The following KCNQ1OT1 variants were observed in gnomAD, a reference collection of about 807,000 sequenced individuals.
KCNQ1OT1 encodes KCNQ1 antisense RNA 2 (non-protein coding).
In KCNQ1OT1 at chr11:2,617,482, T is replaced by C. The variant is rs1849086041; in HGVS notation, n.82513A>G. 2.5e-6 allele frequency: 1 copy of C among 398,446 alleles called. No individual in the cohort carries two copies. The highest frequency in any genetic ancestry group is 3.6e-5 in the East Asian group (1 of 28,064). 24.7% of individuals were successfully genotyped at this position (398,446 alleles called of 1,614,324 possible). ...AGTCATCCATCAATGGACACGTAAGTTTTCATATCGTGACTCATGCATATA... is the reference window on the plus strand; with the variant it reads ...AGTCATCCATCAATGGACACGTAAGCTTTCATATCGTGACTCATGCATATA... On this transcript the variant is annotated non_coding_transcript_exon_variant, in exon 1 of 1. Transcript: ENST00000597346. The surrounding 1 kb of genome is among the most constrained non-coding windows in gnomAD (Gnocchi z 4.6).
rs998251012 is a variant in KCNQ1OT1 at position 2,653,248 on chromosome 11, C to T, written n.46747G>A. 1.0e-5 allele frequency: 4 copies of T among 398,626 alleles called. No homozygotes were observed. Among genetic ancestry groups the T allele is most frequent in the Middle Eastern group, 6.2e-4 (1 of 1,612 alleles). The allele number at this position is 398,626 out of a possible 1,614,324, so 24.7% of individuals were successfully genotyped here. A position where few individuals can be genotyped will look rare whatever the true frequency, so the allele number is the denominator to read the frequency against. On this transcript the variant is annotated non_coding_transcript_exon_variant, in exon 1 of 1. Coordinates refer to ENST00000597346, the Ensembl canonical transcript of KCNQ1OT1. This position sits in a 1 kb window ranked among gnomAD's most constrained non-coding sequence, Gnocchi z 5.3. ...TCAGGCCAGCTTCTTTCCCACAAGCCTTCTCCCTGCCCTCTGCCCTGAAAA... is the reference window on the plus strand; with the variant it reads ...TCAGGCCAGCTTCTTTCCCACAAGCTTTCTCCCTGCCCTCTGCCCTGAAAA...
At chr11:2,680,041 C>G (rs954377431) in exon 1 of KCNQ1OT1, 1 of 396,140 alleles carries the variant, frequency 2.5e-6, no homozygotes, top group African/African-American at 2.1e-5. Flanking sequence ...CTACAGACAT[C>G]TGCCACCATG....
At chr11:2,696,456 C>T (rs1042310625) in exon 1 of KCNQ1OT1, 11 of 398,540 alleles carry the variant, frequency 2.8e-5, no homozygotes, top group Admixed American at 4.4e-5. Flanking sequence ...GTCACCACAC[C>T]GCTCTGATTG....
rs548596924 is a variant in KCNQ1OT1, at chr11:2,666,845, G to A, written n.33150C>T. ...AGGACATTCTGGGAACCAGTGTCCA[G>A]AAGGATGAGTGAGGGGCTTGTCAAG... On this transcript the variant is annotated non_coding_transcript_exon_variant, in exon 1 of 1. Coordinates refer to ENST00000597346, the Ensembl canonical transcript of KCNQ1OT1. The A allele has an allele frequency of 1.3e-3, 502 of 398,620 alleles. No homozygotes were observed. The highest frequency in any genetic ancestry group is 1.9e-3 in the Non-Finnish European group (431 of 226,114). The allele number at this position is 398,620 out of a possible 1,614,324, so 24.7% of individuals were successfully genotyped here.
chr11:2,633,987 G>C (rs1849407173), exon 1 of KCNQ1OT1: 2 of 398,446 alleles, frequency 5.0e-6, no homozygotes, highest in African/African-American at 4.1e-5. Flanking sequence ...TGTTGTTGAA[G>C]AGTCGACTGT....
chr11:2,669,586 C>A lies in KCNQ1OT1; in HGVS notation n.30409G>T, dbSNP rs925801316. 2.5e-6 allele frequency: 1 copy of A among 398,634 alleles called. No individual in the cohort carries two copies. Among genetic ancestry groups the A allele is most frequent in the South Asian group, 1.3e-4 (1 of 7,854 alleles). 24.7% of individuals were successfully genotyped at this position (398,634 alleles called of 1,614,324 possible). Reference sequence around the variant, plus strand: ...GGCCAGCTTGGGTCATTTCATCCTGCCCACAGGACACTGGGGCAGTCACCT... The same window carrying A: ...GGCCAGCTTGGGTCATTTCATCCTGACCACAGGACACTGGGGCAGTCACCT... On this transcript the variant is annotated non_coding_transcript_exon_variant, in exon 1 of 1. Transcript: ENST00000597346. This position sits in a 1 kb window ranked among gnomAD's most constrained non-coding sequence, Gnocchi z 5.6.
exon 1 of KCNQ1OT1, chr11:2,634,853 A>G (rs1043722725): frequency 6.6e-6 from 1 of 152,048 alleles, no homozygotes; most frequent in African/African-American, 2.4e-5. Context: ...TGTTTCCTGA[A>G]TTTTTAATGA....
At chr11:2,665,845 G>T in exon 1 of KCNQ1OT1, 1 of 398,694 alleles carries the variant, frequency 2.5e-6, no homozygotes, top group South Asian at 1.3e-4. Context: ...ACAGGGCTAG[G>T]GGCCTGAGGA....
Position 2,620,590 on chromosome 11 carries a change from C to T in KCNQ1OT1, n.79405G>A. The T allele has an allele frequency of 5.0e-6, 2 of 397,394 alleles. No individual in the cohort carries two copies. 24.6% of individuals were successfully genotyped at this position (397,394 alleles called of 1,614,324 possible). On this transcript the variant is annotated non_coding_transcript_exon_variant, in exon 1 of 1. Transcript: ENST00000597346. This position sits in a 1 kb window ranked among gnomAD's most constrained non-coding sequence, Gnocchi z 4.5. The stretch of plus-strand genomic sequence containing the variant: ...CACATTTTCTTTATCCAATCCACCA[C>T]TGATGGGCATCTAAGTGGATTCCAT...
exon 1 of KCNQ1OT1, chr11:2,693,904 G>C: frequency 2.5e-6 from 1 of 398,816 alleles, no homozygotes. Context: ...TCCTCCTGGA[G>C]TGTACTGCAA....
exon 1 of KCNQ1OT1, chr11:2,632,710 C>T (rs1849380721): frequency 2.5e-6 from 1 of 398,270 alleles, no homozygotes; most frequent in Non-Finnish European, 4.4e-6. Context: ...TTTCATTTAA[C>T]ATATTATCCA....
exon 1 of KCNQ1OT1, chr11:2,630,745 G>A: frequency 2.5e-6 from 1 of 398,276 alleles, no homozygotes; most frequent in East Asian, 3.6e-5. Context: ...AACTCCCTCT[G>A]GCATATCTTG....
At position 2,645,764 on chromosome 11, in the gene KCNQ1OT1, AT is replaced by A. The variant is rs1849656076; in HGVS notation, n.54230del. The stretch of plus-strand genomic sequence containing the variant: ...GGGGCTCCAGGGATGAGATAGAGGG[AT>A]GTGGGGCCCACAGCAGATGCAGTCT... On this transcript the variant is annotated non_coding_transcript_exon_variant, in exon 1 of 1. Transcript: ENST00000597346. The surrounding 1 kb of genome is among the most constrained non-coding windows in gnomAD (Gnocchi z 5.8). 7.5e-6 allele frequency: 3 copies of A among 398,542 alleles called. No homozygotes were observed. The highest frequency in any genetic ancestry group is 2.1e-5 in the African/African-American group (1 of 48,566). The allele number at this position is 398,542 out of a possible 1,614,324, so 24.7% of individuals were successfully genotyped here.
rs1241586544 is a variant in KCNQ1OT1 at position 2,612,862 on chromosome 11, G to C, written n.87133C>G. 1 of 398,292 alleles carries C rather than the reference G, an allele frequency of 2.5e-6. No homozygotes were observed. Among genetic ancestry groups the C allele is most frequent in the Non-Finnish European group, 4.4e-6 (1 of 226,036 alleles). 24.7% of individuals were successfully genotyped at this position (398,292 alleles called of 1,614,324 possible). On this transcript the variant is annotated non_coding_transcript_exon_variant, in exon 1 of 1. Coordinates refer to ENST00000597346, the Ensembl canonical transcript of KCNQ1OT1. The surrounding 1 kb of genome is among the most constrained non-coding windows in gnomAD (Gnocchi z 5.5). ...TATATCGTAGAAACTCTGGATTCTA[G>C]TTCTTCTCCCTAACCAGGGATGATT...
chr11:2,644,685 T>C (rs1849639455), exon 1 of KCNQ1OT1: 3 of 398,528 alleles, frequency 7.5e-6, no homozygotes, highest in Non-Finnish European at 1.3e-5. Flanking sequence ...TTCCAATTTT[T>C]TGATCTGTCT....
chr11:2,614,049 C>T (rs7483375), exon 1 of KCNQ1OT1: 1 of 398,546 alleles, frequency 2.5e-6, no homozygotes, highest in Non-Finnish European at 4.4e-6. Context: ...GTGCTATAAC[C>T]TTTCAACCAA....
At chr11:2,638,085 ATG>A (rs1320512930) in exon 1 of KCNQ1OT1, 1 of 152,002 alleles carries the variant, frequency 6.6e-6, no homozygotes. Flanking sequence ...TGCACGTGAG[ATG>A]GGTCTCCTGA....
Position 2,677,151 on chromosome 11 carries a change from T to C in KCNQ1OT1, n.22844A>G, listed in dbSNP as rs181157787. On this transcript the variant is annotated non_coding_transcript_exon_variant, in exon 1 of 1. Transcript: ENST00000597346. This position sits in a 1 kb window ranked among gnomAD's most constrained non-coding sequence, Gnocchi z 4.5. ...CATCCCTCCCTATTGAACACTGTTG[T>C]TTCTCCCTATCCATCTTATCCCTAC... 4.0e-5 allele frequency: 16 copies of C among 398,650 alleles called. 1 individual carries two copies. The Admixed American group carries it at 6.2e-4, about 15-fold the overall frequency. 24.7% of individuals were successfully genotyped at this position (398,650 alleles called of 1,614,324 possible).
chr11:2,609,651 C>G (rs1186047853), exon 1 of KCNQ1OT1: 3 of 398,164 alleles, frequency 7.5e-6, no homozygotes, highest in Non-Finnish European at 8.9e-6. Context: ...GTTGAATTGG[C>G]TATTTCTCTG....
Sources: allele counts gnomAD v4.1 joint callset, GRCh38; gene constraint gnomAD v4.1.1; non-coding constraint Gnocchi (gnomAD v3.1); transcripts MANE v1.5; gene names NCBI Gene and HGNC (gene_info 2026-07-23, HGNC 2026-07-21).